ESR1: variants seen among roughly 807,000 people sequenced by gnomAD.
ESR1 encodes estrogen receptor.
ESR1 carries 12 observed loss-of-function variants against 52.7 expected under a neutral mutation model. The observed-to-expected ratio is 0.23, with a 90% confidence interval of 0.15 to 0.37. The LOEUF is 0.37. Among genes scored for constraint, ESR1 ranks in the 10% least tolerant of loss-of-function variants. The pLI is 1.00. For synonymous variants in ESR1, 305 were observed against 316.8 expected (o/e 0.96, Z 0.39); for missense variants, 584 against 779.7 (o/e 0.75, Z 2.99).
chr6:151,694,841 C>T (rs186594826), intron 1 of ESR1, among the ~76,000 whole-genome samples: 152 of 151,468 alleles, frequency 1.0e-3, no homozygotes, highest in Middle Eastern at 3.4e-3. Flanking sequence ...TAAATTATTA[C>T]TTAGTTCCAT....
chr6:151,704,774 C>T lies in ESR1; in HGVS notation c.-71+2769C>T, dbSNP rs114358272. ...CTCTAGGAGGGGGTTTCATTAAACC[C>T]ACTTTCTAGGAAAGCGAACTAAGGC... is the stretch of plus-strand genomic sequence containing the variant. On this transcript the variant is annotated intron_variant, in intron 2 of 2. Transcript: ENST00000404742. Among the ~76,000 whole-genome samples, 546 of 152,150 alleles carry T rather than the reference C, an allele frequency of 3.6e-3. 3 individuals carry two copies. The highest frequency in any genetic ancestry group is 0.011 in the African/African-American group (460 of 41,510).
chr6:151,903,500 G>A (rs574541154), intron 3 of ESR1, among the ~76,000 whole-genome samples: 1 of 152,090 alleles, frequency 6.6e-6, no homozygotes, highest in African/African-American at 2.4e-5. Context: ...CTCACCTCCA[G>A]TTCTGATCTT....
chr6:151,918,995 A>G (rs572319554), intron 3 of ESR1, among the ~76,000 whole-genome samples: 15 of 152,344 alleles, frequency 9.8e-5, no homozygotes, highest in Non-Finnish European at 1.8e-4. Flanking sequence ...TATTTTGAAG[A>G]CAACTATAAT....
intron 4 of ESR1, among the ~76,000 whole-genome samples, chr6:152,000,092 C>T (rs1002861969): frequency 6.6e-6 from 1 of 151,948 alleles, no homozygotes; most frequent in Non-Finnish European, 1.5e-5. Context: ...TTGTTGACCA[C>T]CCATATTTTC....
intron 3 of ESR1, among the ~76,000 whole-genome samples, chr6:151,914,111 C>G (rs956171157): frequency 2.6e-5 from 4 of 152,004 alleles, no homozygotes; most frequent in Non-Finnish European, 2.9e-5. Flanking sequence ...CTCCAATTCC[C>G]CCATCATTTT....
chr6:152,086,303 G>T (rs966133649), intron 6 of ESR1, among the ~76,000 whole-genome samples: 2 of 151,518 alleles, frequency 1.3e-5, no homozygotes, highest in Non-Finnish European at 2.9e-5. Flanking sequence ...ATATAGATCC[G>T]TAATGGCTTT....
intron 1 of ESR1, among the ~76,000 whole-genome samples, chr6:151,826,420 C>T (rs1433174469): frequency 6.6e-6 from 1 of 152,162 alleles, no homozygotes; most frequent in Non-Finnish European, 1.5e-5. Flanking sequence ...GGAAGCTCTT[C>T]CAATGCAGAG....
intron 2 of ESR1, among the ~76,000 whole-genome samples, chr6:151,863,787 C>T (rs981395362): frequency 5.4e-4 from 82 of 152,096 alleles, no homozygotes; most frequent in Non-Finnish European, 8.8e-4. Context: ...CTTTGACAAA[C>T]GTGACAAAAA....
At position 151,978,774 on chromosome 6, in the gene ESR1, CA is replaced by C. The variant is rs1265227567; in HGVS notation, c.1097-32875del. On this transcript the variant is annotated intron_variant, in intron 4 of 7. Transcript: ENST00000206249. ...TAGTGTACATTGTAAAATTACATTT[CA>C]AAAAAAGAGGGTAGTATAATGACAT... is the stretch of plus-strand genomic sequence containing the variant. 2.0e-4 allele frequency among the ~76,000 whole-genome samples: 30 copies of C among 151,826 alleles called. No individual in the cohort carries two copies. In the East Asian group the frequency reaches 5.4e-3, roughly 27 times the overall value.
intron 2 of ESR1, among the ~76,000 whole-genome samples, chr6:151,757,509 G>T (rs1784379134): frequency 6.6e-6 from 1 of 152,140 alleles, no homozygotes. Context: ...AATATATTCT[G>T]GTCAGAGCAG....
At chr6:152,024,676 T>A (rs1161968497) in intron 5 of ESR1, among the ~76,000 whole-genome samples, 3 of 147,702 alleles carry the variant, frequency 2.0e-5, no homozygotes, top group African/African-American at 7.3e-5. Flanking sequence ...TATATAAAAA[T>A]ATATATTATA....
At chr6:152,009,268 C>T (rs1377374669) in intron 4 of ESR1, among the ~76,000 whole-genome samples, 2 of 152,102 alleles carry the variant, frequency 1.3e-5, no homozygotes, top group African/African-American at 4.8e-5. Flanking sequence ...TGCTCTGAGA[C>T]AGGCTACACT....
chr6:151,888,322 G>A (rs573837670), intron 3 of ESR1, among the ~76,000 whole-genome samples: 1 of 152,108 alleles, frequency 6.6e-6, no homozygotes, highest in East Asian at 1.9e-4. Context: ...CCATTTATTT[G>A]TGTCTTCTTC....
intron 1 of ESR1, among the ~76,000 whole-genome samples, chr6:151,816,176 C>T (rs893607146): frequency 9.2e-5 from 14 of 152,120 alleles, no homozygotes; most frequent in African/African-American, 3.4e-4. Flanking sequence ...ACCAAAGGCT[C>T]CCAGGAACCT....
chr6:151,667,329 C>G (rs1777865484), intron 1 of ESR1, among the ~76,000 whole-genome samples: 1 of 152,186 alleles, frequency 6.6e-6, no homozygotes, highest in Non-Finnish European at 1.5e-5. Flanking sequence ...AGGGTCTTAT[C>G]TTTTTCATCA....
At chr6:152,092,786 G>T (rs1170882170) in intron 6 of ESR1, among the ~76,000 whole-genome samples, 1 of 152,156 alleles carries the variant, frequency 6.6e-6, no homozygotes, top group Non-Finnish European at 1.5e-5. Flanking sequence ...CCCATCTCTT[G>T]TTCTCAATAC....
At chr6:151,728,676 A>G (rs1246976036) in intron 2 of ESR1, among the ~76,000 whole-genome samples, 1 of 152,136 alleles carries the variant, frequency 6.6e-6, no homozygotes, top group Non-Finnish European at 1.5e-5. Context: ...CCCCCCATCC[A>G]CACATTTGAT....
chr6:151,834,778 A>C (rs1783030594), intron 1 of ESR1, among the ~76,000 whole-genome samples: 1 of 152,154 alleles, frequency 6.6e-6, no homozygotes, highest in Non-Finnish European at 1.5e-5. Flanking sequence ...TGAGAAAGCC[A>C]GGCAGGGAGA....
intron 2 of ESR1, 58 bp downstream of exon 2, chr6:151,842,845 C>CCTA: frequency 6.9e-7 from 1 of 1,456,812 alleles, no homozygotes; most frequent in Non-Finnish European, 9.6e-7. Context: ...TCCTAAGAGC[C>CCTA]AAAGCGACTG....
Sources: allele counts gnomAD v4.1 joint callset (sites outside exome capture counted in the v4.1 genomes callset), GRCh38; gene constraint gnomAD v4.1.1; transcripts MANE v1.5; gene names NCBI Gene and HGNC (gene_info 2026-07-23, HGNC 2026-07-21).